ZEB1: variants seen among roughly 807,000 people sequenced by gnomAD.
ZEB1 encodes the protein zinc finger E-box-binding homeobox 1.
ZEB1 carries 21 observed loss-of-function variants against 84.9 expected under a neutral mutation model. The observed-to-expected ratio is 0.25, with a 90% CI of 0.18 to 0.36. The LOEUF is 0.36. Ranked by LOEUF, ZEB1 falls within the 10% of genes least tolerant of loss-of-function variation. The pLI is 1.00. For missense variants in ZEB1, 1,104 were observed against 1,330.2 expected (o/e 0.83, Z 2.65); for synonymous variants, 420 against 471.1 (o/e 0.89, Z 1.41).
chr10:31,357,966 C>A (rs1652360398), intron 1 of ZEB1, among the ~76,000 whole-genome samples: 1 of 152,112 alleles, frequency 6.6e-6, no homozygotes, highest in Non-Finnish European at 1.5e-5. Context: ...ATAAACTTCT[C>A]TTGGCGTTCT....
chr10:31,363,546 G>A lies in ZEB1; in HGVS notation c.58+44254G>A. The A allele has an allele frequency of 2.0e-6, 3 of 1,528,062 alleles. No homozygotes were observed. In the South Asian group the frequency reaches 3.6e-5, roughly 18 times the overall value. The allele number at this position is 1,528,062 out of a possible 1,614,324, so 94.7% of individuals were successfully genotyped here. The stretch of plus-strand genomic sequence containing the variant: ...CCCTTTTATTGTCCTCCTGCCCCTG[G>A]GTCTCTACCTGGTCTTTCACCTCTG... On this transcript the variant is annotated intron_variant, in intron 1 of 8. Coordinates refer to ENST00000424869, the MANE Select transcript of ZEB1 (RefSeq NM_001174096.2).
At chr10:31,386,705 G>C (rs2048696858) in intron 1 of ZEB1, among the ~76,000 whole-genome samples, 1 of 152,220 alleles carries the variant, frequency 6.6e-6, no homozygotes, top group South Asian at 2.1e-4. Context: ...CTACTTTTCT[G>C]TTGTTAGGAA....
intron 1 of ZEB1, among the ~76,000 whole-genome samples, chr10:31,458,334 TG>T (rs2061472606): frequency 1.0e-4 from 10 of 99,560 alleles, no homozygotes; most frequent in South Asian, 5.9e-4. Context: ...TGTGTGTGTG[TG>T]TTGTGTGTGT....
At chr10:31,361,452 G>A (rs773575148) in intron 1 of ZEB1, among the ~76,000 whole-genome samples, 23 of 152,140 alleles carry the variant, frequency 1.5e-4, no homozygotes, top group African/African-American at 3.1e-4. Flanking sequence ...CTTTAATGTC[G>A]AAAATGCAAA....
chr10:31,383,667 A>C (rs940843140), intron 1 of ZEB1, among the ~76,000 whole-genome samples: 2 of 152,202 alleles, frequency 1.3e-5, no homozygotes, highest in Admixed American at 6.5e-5. Flanking sequence ...GTTTAAGTAA[A>C]ATTAAAAATT....
In ZEB1 at chr10:31,459,084, TA is replaced by T. The variant is rs145567066; in HGVS notation, c.59-1951del. On this transcript the variant is annotated intron_variant, in intron 1 of 8. Transcript: ENST00000424869. ...AAATCATAACATGAAGCCTATGTTT[TA>T]ATATGATGTTGAATATCTCTTGTCA... Among the ~76,000 whole-genome samples the T allele has an allele frequency of 5.6e-3, 849 of 152,248 alleles. 13 individuals are homozygous for T. The highest frequency in any genetic ancestry group is 0.02 in the African/African-American group (814 of 41,552).
chr10:31,402,355 G>C (rs1294144842), intron 1 of ZEB1, among the ~76,000 whole-genome samples: 1 of 152,004 alleles, frequency 6.6e-6, no homozygotes, highest in Non-Finnish European at 1.5e-5. Context: ...ATTATCCTGA[G>C]TGGCTAAAGA....
intron 2 of ZEB1, among the ~76,000 whole-genome samples, chr10:31,469,534 A>G (rs896132455): frequency 1.3e-5 from 2 of 152,226 alleles, no homozygotes; most frequent in African/African-American, 2.4e-5. Context: ...CCACGAGATT[A>G]TATCCCGCAC....
chr10:31,512,306 T>C (rs2070228817), intron 5 of ZEB1, among the ~76,000 whole-genome samples: 2 of 152,124 alleles, frequency 1.3e-5, no homozygotes, highest in South Asian at 4.1e-4. Flanking sequence ...GATGCCATTA[T>C]AAAAACAAAC....
intron 2 of ZEB1, among the ~76,000 whole-genome samples, chr10:31,495,098 A>T (rs2067032498): frequency 6.6e-6 from 1 of 152,030 alleles, no homozygotes; most frequent in African/African-American, 2.4e-5. Context: ...TGGGCTTTGG[A>T]GCCAATCAGA....
intron 1 of ZEB1, among the ~76,000 whole-genome samples, chr10:31,389,323 A>G (rs191812023): frequency 4.6e-5 from 7 of 152,254 alleles, no homozygotes; most frequent in Non-Finnish European, 1.5e-5. Flanking sequence ...ATCTGGGAGA[A>G]GATTTGATTT....
chr10:31,319,093 A>C (rs1037505260), upstream of ZEB1: 4 of 618,708 alleles, frequency 6.5e-6, no homozygotes, highest in East Asian at 6.4e-5. Context: ...CTCTAGGTGT[A>C]AGGAAGGTGA....
intron 1 of ZEB1, among the ~76,000 whole-genome samples, chr10:31,355,685 C>T (rs2042001864): frequency 6.6e-6 from 1 of 152,070 alleles, no homozygotes; most frequent in Non-Finnish European, 1.5e-5. Context: ...TAGGATGGAA[C>T]ATTGCAGGCA....
At chr10:31,485,629 T>G (rs2138632783) in intron 2 of ZEB1, among the ~76,000 whole-genome samples, 1 of 151,998 alleles carries the variant, frequency 6.6e-6, no homozygotes, top group Non-Finnish European at 1.5e-5. Context: ...ACACTCCTAT[T>G]CTTCTGGATT....
At chr10:31,417,673 TTATTTTAAGC>T (rs2135960265) in intron 1 of ZEB1, among the ~76,000 whole-genome samples, 1 of 152,292 alleles carries the variant, frequency 6.6e-6, no homozygotes, top group Non-Finnish European at 1.5e-5. Context: ...GATGTTTTGT[TTATTTTAAGC>T]TATTTTAAAT....
chr10:31,524,064 G>A lies in ZEB1; in HGVS notation c.2736G>A (p.Lys912=), dbSNP rs1299144348. The A allele has an allele frequency of 1.2e-6, 2 of 1,613,882 alleles. No homozygotes were observed. The highest frequency in any genetic ancestry group is 1.1e-5 in the South Asian group (1 of 91,076). ...TGTATGCTTGTGATTTGTGTGACAAGATATTCCAAAAGAGTAGTTCATTAT... is the reference window on the plus strand; with the variant it reads ...TGTATGCTTGTGATTTGTGTGACAAAATATTCCAAAAGAGTAGTTCATTAT... ...NGMYACDLCD[K]IFQKSSSLLR... The change falls in exon 8 of 9, where the codon AAG becomes AAA. Residue 912 remains lysine, a synonymous_variant. Coordinates refer to ENST00000424869, the MANE Select transcript of ZEB1 (RefSeq NM_001174096.2).
rs569251665 is a variant in ZEB1 at position 31,390,492 on chromosome 10, G to A, written c.59-70545G>A. ...CTAAATTATTACATTAAGATATAAG[G>A]TTTACGAAATTTTACAATTTTTGAA... On this transcript the variant is annotated intron_variant, in intron 1 of 8. Transcript: ENST00000424869. Among the ~76,000 whole-genome samples the A allele has an allele frequency of 1.1e-4, 17 of 152,220 alleles. No individual in the cohort carries two copies. In the East Asian group the frequency reaches 3.1e-3, roughly 28 times the overall value.
At chr10:31,373,710 A>G (rs1382705738) in intron 1 of ZEB1, among the ~76,000 whole-genome samples, 8 of 151,878 alleles carry the variant, frequency 5.3e-5, no homozygotes, top group African/African-American at 2.4e-5. Context: ...TTGCTACTAT[A>G]CTTTGGCGGA....
chr10:31,467,083 C>T (rs1472916356), intron 2 of ZEB1, among the ~76,000 whole-genome samples: 1 of 152,150 alleles, frequency 6.6e-6, no homozygotes, highest in Non-Finnish European at 1.5e-5. Context: ...AGCAACACTG[C>T]TGGCTCAGTA....
Sources: gnomAD v4.1 joint callset for allele counts (sites outside exome capture counted in the v4.1 genomes callset) on GRCh38, gnomAD v4.1.1 for gene constraint, MANE v1.5 for transcripts, NCBI Gene and HGNC (gene_info 2026-07-23, HGNC 2026-07-21) for gene names.